Variants in CACNA2D3 observed in about 807,000 individuals in gnomAD.
The protein encoded by CACNA2D3 is voltage-dependent calcium channel subunit alpha-2/delta-3.
In CACNA2D3, 60 loss-of-function variants were observed where a neutral mutation model predicts 160.6. The ratio of observed to expected loss-of-function variants is 0.37; its 90% confidence interval spans 0.30 to 0.46. The LOEUF (loss-of-function observed/expected upper bound fraction) is 0.46. Among genes scored for constraint, CACNA2D3 ranks in the 20% least tolerant of loss-of-function variants. The pLI is 1.00. For synonymous variants in CACNA2D3, 558 were observed against 492.9 expected, an observed-to-expected ratio of 1.13 and a Z score of -1.75; for missense variants, 1,205 against 1,365.0, an observed-to-expected ratio of 0.88 and a Z score of 1.85.
At chr3:54,790,506 G>A (rs1702731980) in intron 13 of CACNA2D3, among the ~76,000 whole-genome samples, 1 of 152,178 alleles carries the variant, frequency 6.6e-6, no homozygotes, top group Non-Finnish European at 1.5e-5. Context: ...TAGCATGCAT[G>A]TGTCATCTAA....
intron 5 of CACNA2D3, among the ~76,000 whole-genome samples, chr3:54,543,027 G>A (rs1234006290): frequency 4.6e-5 from 7 of 152,144 alleles, no homozygotes; most frequent in African/African-American, 1.7e-4. Flanking sequence ...GAAGACACAG[G>A]CTTCACCTCT....
At chr3:54,391,356 G>C (rs998215517) in intron 4 of CACNA2D3, among the ~76,000 whole-genome samples, 2 of 152,132 alleles carry the variant, frequency 1.3e-5, no homozygotes, top group Non-Finnish European at 2.9e-5. Flanking sequence ...TATGGCATTA[G>C]ATTGTTAGTT....
intron 35 of CACNA2D3, among the ~76,000 whole-genome samples, chr3:55,040,468 T>G (rs6782725): frequency 0.39 from 59,796 of 151,980 alleles, 11,968 homozygotes; most frequent in African/African-American, 0.44. Context: ...TTCTTTGTAG[T>G]TTTTTTATTT....
intron 5 of CACNA2D3, among the ~76,000 whole-genome samples, chr3:54,544,904 A>C (rs947637266): frequency 6.6e-6 from 1 of 152,254 alleles, no homozygotes; most frequent in South Asian, 2.1e-4. Flanking sequence ...CTGTTTAAAA[A>C]TAATCATCAA....
intron 11 of CACNA2D3, among the ~76,000 whole-genome samples, chr3:54,684,916 A>C (rs188172697): frequency 1.4e-3 from 213 of 152,224 alleles, no homozygotes; most frequent in African/African-American, 4.7e-3. Flanking sequence ...TCTCGTTTAC[A>C]TAATGCATGC....
At chr3:54,663,652 G>A (rs566989822) in intron 11 of CACNA2D3, among the ~76,000 whole-genome samples, 1 of 152,322 alleles carries the variant, frequency 6.6e-6, no homozygotes, top group African/African-American at 2.4e-5. Context: ...TAAATCAGTG[G>A]ATGATTTCTC....
intron 13 of CACNA2D3, among the ~76,000 whole-genome samples, chr3:54,802,215 A>C (rs981867480): frequency 6.6e-6 from 1 of 152,160 alleles, no homozygotes; most frequent in African/African-American, 2.4e-5. Flanking sequence ...AGTGAGCAAC[A>C]GGGTGCCCAC....
intron 35 of CACNA2D3, among the ~76,000 whole-genome samples, chr3:55,033,477 G>A (rs6785397): frequency 0.25 from 37,465 of 149,670 alleles, 4,875 homozygotes; most frequent in Admixed American, 0.32. Flanking sequence ...TATATTAAAT[G>A]TTTTGCAACT....
chr3:54,807,599 TGTTGGTG>T (rs1480122135), intron 13 of CACNA2D3, among the ~76,000 whole-genome samples: 2 of 151,776 alleles, frequency 1.3e-5, no homozygotes, highest in African/African-American at 2.4e-5. Context: ...ACTTTGACAC[TGTTGGTG>T]GGACTGTAAA....
rs865805266 is a variant in CACNA2D3 at position 54,431,147 on chromosome 3, G to A, written c.381+44373G>A. ...AGGTCAGGGGATTGAGACCATCCTGGCTAACATGGTGAAACCCCGTCTCTA... is the reference window on the plus strand; with the variant it reads ...AGGTCAGGGGATTGAGACCATCCTGACTAACATGGTGAAACCCCGTCTCTA... On this transcript the variant is annotated intron_variant, in intron 4 of 37. Transcript: ENST00000474759. 2.4e-4 allele frequency among the ~76,000 whole-genome samples: 36 copies of A among 152,026 alleles called. 1 individual carries two copies. Among genetic ancestry groups the A allele is most frequent in the Middle Eastern group, 3.4e-3 (1 of 294 alleles).
At chr3:54,403,500 C>T (rs1699512078) in intron 4 of CACNA2D3, among the ~76,000 whole-genome samples, 1 of 151,882 alleles carries the variant, frequency 6.6e-6, no homozygotes, top group African/African-American at 2.4e-5. Flanking sequence ...AAGTTCATAA[C>T]TGTAAATGCC....
intron 14 of CACNA2D3, among the ~76,000 whole-genome samples, chr3:54,833,985 G>T (rs1703932874): frequency 6.6e-6 from 1 of 152,138 alleles, no homozygotes; most frequent in African/African-American, 2.4e-5. Flanking sequence ...CATTTCCTTT[G>T]TTTACCTGGG....
intron 4 of CACNA2D3, among the ~76,000 whole-genome samples, chr3:54,451,020 T>A: frequency 6.6e-6 from 1 of 151,998 alleles, no homozygotes; most frequent in Non-Finnish European, 1.5e-5. Context: ...GGATACCAAG[T>A]AGGTTCGCAA....
At chr3:54,598,307 CAAAAAA>C (rs10656534) in intron 9 of CACNA2D3, among the ~76,000 whole-genome samples, 221 of 49,832 alleles carry the variant, frequency 4.4e-3, no homozygotes, top group African/African-American at 0.017. Flanking sequence ...CTCCGTCTCA[CAAAAAA>C]AAAAAAAAAA....
chr3:54,440,996 A>G (rs551856823), intron 4 of CACNA2D3, among the ~76,000 whole-genome samples: 1 of 152,198 alleles, frequency 6.6e-6, no homozygotes, highest in African/African-American at 2.4e-5. Context: ...CTTTGGGTAA[A>G]TACCCAGTAA....
intron 2 of CACNA2D3, among the ~76,000 whole-genome samples, chr3:54,289,274 G>A (rs1703120141): frequency 6.6e-6 from 1 of 151,750 alleles, no homozygotes; most frequent in African/African-American, 2.4e-5. Context: ...CAGACAAACA[G>A]AGAGCCAAAT....
intron 13 of CACNA2D3, among the ~76,000 whole-genome samples, chr3:54,795,784 A>G (rs962749102): frequency 6.6e-6 from 1 of 151,860 alleles, no homozygotes; most frequent in Non-Finnish European, 1.5e-5. Flanking sequence ...AAGAGAAAAA[A>G]CTCCCATTGA....
At chr3:54,609,012 G>T (rs192978129) in intron 9 of CACNA2D3, among the ~76,000 whole-genome samples, 4 of 152,278 alleles carry the variant, frequency 2.6e-5, no homozygotes, top group South Asian at 4.2e-4. Context: ...AATTGAGGGG[G>T]TGTTATGGAC....
rs533419072 is a variant in CACNA2D3 at position 55,036,625 on chromosome 3, G to A, written c.2987+18308G>A. Among the ~76,000 whole-genome samples, 12 of 151,508 alleles carry A rather than the reference G, an allele frequency of 7.9e-5. No individual in the cohort carries two copies. In the East Asian group the frequency reaches 1.0e-3, roughly 13 times the overall value. On this transcript the variant is annotated intron_variant, in intron 35 of 37. Transcript: ENST00000474759. ...TGGGATTACAGGCGTGTGCCACCAC[G>A]CCCAACTAGTTGTTGTACTTTTAGT...
Sources: allele counts gnomAD v4.1 joint callset (sites outside exome capture counted in the v4.1 genomes callset), GRCh38; gene constraint gnomAD v4.1.1; transcripts MANE v1.5; gene names NCBI Gene and HGNC (gene_info 2026-07-23, HGNC 2026-07-21).